Variants in DMGDH observed in about 807,000 individuals in gnomAD.
DMGDH encodes dimethylglycine dehydrogenase, mitochondrial.
DMGDH carries 76 observed loss-of-function variants against 95.2 expected under a neutral mutation model. The observed-to-expected ratio is 0.80, with a 90% CI of 0.66 to 0.97. The LOEUF is 0.97. Among genes scored for constraint, DMGDH ranks in the 50% least tolerant of loss-of-function variants. The pLI is 0.00. For missense variants in DMGDH, 987 were observed against 1,055.0 expected (o/e 0.94, Z 0.89); for synonymous variants, 345 against 377.6 (o/e 0.91, Z 1.00).
intron 7 of DMGDH, 45 bp downstream of exon 7, chr5:79,042,238 A>G (rs757799033): frequency 4.5e-6 from 7 of 1,561,374 alleles, no homozygotes; most frequent in South Asian, 1.1e-5. Context: ...TTTAGCTAAA[A>G]TAAGTGATTC....
chr5:79,009,015 G>A (rs1753596487), intron 14 of DMGDH, among the ~76,000 whole-genome samples: 1 of 152,034 alleles, frequency 6.6e-6, no homozygotes, highest in Non-Finnish European at 1.5e-5. Flanking sequence ...TTTTTTAAAT[G>A]CCTGTGCCTG....
At chr5:79,064,755 C>T (rs1755322624) in intron 1 of DMGDH, among the ~76,000 whole-genome samples, 1 of 149,528 alleles carries the variant, frequency 6.7e-6, no homozygotes, top group African/African-American at 2.5e-5. Context: ...ACTTTTCAAA[C>T]TTTTTTTTTT....
intron 14 of DMGDH, among the ~76,000 whole-genome samples, chr5:79,006,600 C>G (rs1753549899): frequency 6.6e-6 from 1 of 152,172 alleles, no homozygotes; most frequent in South Asian, 2.1e-4. Flanking sequence ...ATGTGGAAAA[C>G]AAGATTCTCC....
intron 5 of DMGDH, among the ~76,000 whole-genome samples, chr5:79,049,340 C>T (rs17823774): frequency 1.3e-5 from 2 of 152,102 alleles, no homozygotes; most frequent in Non-Finnish European, 2.9e-5. Context: ...GAAAACAATG[C>T]ATAAATGTGT....
At chr5:79,036,566 G>T (rs1226329169) in intron 7 of DMGDH, among the ~76,000 whole-genome samples, 2 of 152,176 alleles carry the variant, frequency 1.3e-5, no homozygotes, top group Non-Finnish European at 2.9e-5. Flanking sequence ...TTGGAATTGT[G>T]ACAAAACAAA....
rs139215087 is a variant in DMGDH at position 79,030,981 on chromosome 5, G to A, written c.1535C>T (p.Thr512Ile). Residue 512 changes from threonine to isoleucine, a missense_variant, in exon 10 of 16, where the codon ACA becomes ATA. Thr to Ile is a moderately conservative substitution (Grantham distance 89). Coordinates refer to ENST00000255189, the MANE Select transcript of DMGDH (RefSeq NM_013391.3). The stretch of plus-strand genomic sequence containing the variant: ...CGAGCCCACAGGCTCAAACCAGTTT[G>A]TGCGGCGAAAACTTGGCCTGAAACA... ...DTQYRPSFRRTNWFEPVGSEY... is the reference protein window; with the variant it reads ...DTQYRPSFRRINWFEPVGSEY... 188 of 1,614,078 alleles carry A rather than the reference G, an allele frequency of 1.2e-4. No homozygotes were observed. Among genetic ancestry groups the A allele is most frequent in the Non-Finnish European group, 1.5e-4 (181 of 1,180,040 alleles).
chr5:79,025,991 T>C (rs1753991402), intron 13 of DMGDH, among the ~76,000 whole-genome samples: 1 of 152,232 alleles, frequency 6.6e-6, no homozygotes, highest in Non-Finnish European at 1.5e-5. Context: ...ATAACCATTA[T>C]TAATGGTGGA....
chr5:79,012,365 G>T (rs1205344254), intron 14 of DMGDH, among the ~76,000 whole-genome samples: 2 of 152,238 alleles, frequency 1.3e-5, no homozygotes, highest in African/African-American at 2.4e-5. Flanking sequence ...GCTTTGCAGG[G>T]TTCAGCCACC....
intron 1 of DMGDH, among the ~76,000 whole-genome samples, chr5:79,068,196 G>A (rs969393648): frequency 6.6e-6 from 1 of 152,116 alleles, no homozygotes; most frequent in Non-Finnish European, 1.5e-5. Context: ...GAGATTACAG[G>A]CATGAGCCAC....
intron 1 of DMGDH, among the ~76,000 whole-genome samples, chr5:79,069,087 A>G (rs1444018615): frequency 1.3e-5 from 2 of 152,254 alleles, no homozygotes; most frequent in Non-Finnish European, 2.9e-5. Context: ...ATGTTAATGA[A>G]TAGACTAACG....
intron 14 of DMGDH, among the ~76,000 whole-genome samples, chr5:79,009,342 C>CTTCTT (rs201648827): frequency 5.6e-5 from 8 of 143,514 alleles, no homozygotes; most frequent in East Asian, 4.0e-4. Context: ...TACTTTCTTT[C>CTTCTT]TTCTTTTCTT....
At chr5:79,020,887 T>G in intron 14 of DMGDH, 7 of 985,418 alleles carry the variant, frequency 7.1e-6, no homozygotes, top group Non-Finnish European at 8.4e-6. Context: ...TCTCCAGAAA[T>G]GGACAAAAAT....
At chr5:79,034,513 T>G (rs1754283066) in intron 7 of DMGDH, among the ~76,000 whole-genome samples, 1 of 152,142 alleles carries the variant, frequency 6.6e-6, no homozygotes, top group Non-Finnish European at 1.5e-5. Flanking sequence ...TGGGTTTATG[T>G]GTGGTTTAAG....
At chr5:79,003,436 C>A in intron 15 of DMGDH, among the ~76,000 whole-genome samples, 1 of 152,014 alleles carries the variant, frequency 6.6e-6, no homozygotes, top group East Asian at 1.9e-4. Context: ...AGGGCTGAAC[C>A]AGAGATACAG....
chr5:79,062,885 A>G (rs1313140924), intron 2 of DMGDH, among the ~76,000 whole-genome samples: 1 of 152,172 alleles, frequency 6.6e-6, no homozygotes, highest in African/African-American at 2.4e-5. Context: ...TGAGGTCAAG[A>G]GATAGAGACC....
Position 79,051,424 on chromosome 5 carries a change from G to T in DMGDH, c.608C>A (p.Ala203Asp). Residue 203 changes from alanine to aspartate, a missense_variant, in exon 5 of 16, where the codon GCT (alanine) becomes GAT (aspartate). Ala to Asp is a moderately radical substitution (Grantham distance 126). Transcript: ENST00000255189. ...GGCACCACATTTCCTAGCCCCAGCAGCCAGTGCCATAGTTAGAGAATAAGG... is the reference window on the plus strand; with the variant it reads ...GGCACCACATTTCCTAGCCCCAGCATCCAGTGCCATAGTTAGAGAATAAGG... ...IDPYSLTMALAAGARKCGALL... is the reference protein window; with the variant it reads ...IDPYSLTMALDAGARKCGALL... 1.2e-6 allele frequency: 2 copies of T among 1,614,152 alleles called. No homozygotes were observed. The highest frequency in any genetic ancestry group is 8.5e-7 in the Non-Finnish European group (1 of 1,180,002).
rs1051003113 is a variant in DMGDH, at chr5:79,026,667, G to A, written c.2033-86C>T. On this transcript the variant is annotated intron_variant, in intron 12 of 15. Transcript: ENST00000255189. ...CATTAGCTAGAACACATATAAGCAG[G>A]AGAAATTCCACTTATGCAACACAGA... 3.8e-6 allele frequency: 6 copies of A among 1,569,266 alleles called. No homozygotes were observed. The Admixed American group carries it at 8.8e-5, about 23-fold the overall frequency.
At chr5:79,052,546 G>A (rs559894521) in intron 4 of DMGDH, among the ~76,000 whole-genome samples, 3 of 152,260 alleles carry the variant, frequency 2.0e-5, no homozygotes, top group Non-Finnish European at 2.9e-5. Flanking sequence ...ACTTCCAAAT[G>A]TCACACAGGT....
In DMGDH at chr5:79,035,259, C is replaced by T. The variant is rs566635466; in HGVS notation, c.1194-1851G>A. Among the ~76,000 whole-genome samples the T allele has an allele frequency of 9.9e-5, 15 of 152,160 alleles. 1 individual carries two copies. The East Asian group carries it at 2.7e-3, about 27-fold the overall frequency. Reference sequence around the variant, plus strand: ...CACATTCACTTAACCAGGCCCAATGCCCATATAGATCAAGTACCATTTTTG... The same window carrying T: ...CACATTCACTTAACCAGGCCCAATGTCCATATAGATCAAGTACCATTTTTG... On this transcript the variant is annotated intron_variant, in intron 7 of 15. Coordinates refer to ENST00000255189, the MANE Select transcript of DMGDH (RefSeq NM_013391.3).
Sources: gnomAD v4.1 joint callset for allele counts (sites outside exome capture counted in the v4.1 genomes callset) on GRCh38, gnomAD v4.1.1 for gene constraint, MANE v1.5 for transcripts, NCBI Gene and HGNC (gene_info 2026-07-23, HGNC 2026-07-21) for gene names.